Variants in PSD3 observed in about 807,000 individuals in gnomAD.
PSD3 encodes the protein pleckstrin and Sec7 domain containing 3.
PSD3 carries 49 observed loss-of-function variants against 105.5 expected under a neutral mutation model. That is an observed-to-expected ratio of 0.46 (90% CI 0.37 to 0.59). The LOEUF is 0.59. Among genes scored for constraint, PSD3 ranks in the 20% least tolerant of loss-of-function variants. The pLI is 0.00. For synonymous variants in PSD3, 557 were observed against 457.8 expected (o/e 1.22, Z -2.77); for missense variants, 1,561 against 1,263.8 (o/e 1.24, Z -3.57).
intron 4 of PSD3, among the ~76,000 whole-genome samples, chr8:18,828,073 T>G (rs1432287505): frequency 7.4e-6 from 1 of 134,690 alleles, no homozygotes; most frequent in Non-Finnish European, 1.6e-5. Context: ...ATATATTTTT[T>G]TTTTTTTACA....
In PSD3 at chr8:18,970,324, C is replaced by CAAAAA. The variant is rs11450922; in HGVS notation, c.22-34187_22-34183dup. ...TGGGCGACAGAGCAAGACTCTGCCTCAAAAAAAAAAAAAAAAAAAAAAAAC... is the reference window on the plus strand; with the variant it reads ...TGGGCGACAGAGCAAGACTCTGCCTCAAAAAAAAAAAAAAAAAAAAAAAAAAAAAC... On this transcript the variant is annotated intron_variant, in intron 1 of 15. Coordinates refer to ENST00000327040, the MANE Select transcript of PSD3 (RefSeq NM_015310.4). 5.8e-3 allele frequency among the ~76,000 whole-genome samples: 263 copies of CAAAAA among 45,162 alleles called. 16 individuals are homozygous for CAAAAA. Among genetic ancestry groups the CAAAAA allele is most frequent in the African/African-American group, 0.018 (198 of 10,810 alleles). 29.6% of individuals were successfully genotyped at this position (45,162 alleles called of 152,430 possible).
Position 18,983,230 on chromosome 8 carries a change from G to T in PSD3, c.21+30333C>A, listed in dbSNP as rs568545281. ...CTCTACCTCTCTCAGCCAAGAATTG[G>T]AGGCTTGCTCTGAATTAGGTTTTGT... On this transcript the variant is annotated intron_variant, in intron 1 of 15. Transcript: ENST00000327040. Among the ~76,000 whole-genome samples the T allele has an allele frequency of 2.6e-5, 4 of 152,294 alleles. No individual in the cohort carries two copies. In the South Asian group the frequency reaches 8.3e-4, roughly 32 times the overall value.
chr8:18,784,258 A>G (rs951249635), intron 8 of PSD3, among the ~76,000 whole-genome samples: 1 of 152,164 alleles, frequency 6.6e-6, no homozygotes, highest in Non-Finnish European at 1.5e-5. Flanking sequence ...ATACGGTGCT[A>G]ATTTCTCAAT....
chr8:18,668,259 A>C (rs1289796294), intron 9 of PSD3, among the ~76,000 whole-genome samples: 1 of 152,228 alleles, frequency 6.6e-6, no homozygotes, highest in East Asian at 1.9e-4. Context: ...TGTGATTAGA[A>C]ATTGTAAGGA....
intron 9 of PSD3, among the ~76,000 whole-genome samples, chr8:18,698,044 G>T (rs574399026): frequency 1.3e-5 from 2 of 152,018 alleles, no homozygotes; most frequent in Admixed American, 6.6e-5. Flanking sequence ...ATAAGTTAAC[G>T]AACTTAAGGA....
chr8:18,644,533 T>C (rs1018169477), intron 10 of PSD3, among the ~76,000 whole-genome samples: 3 of 152,332 alleles, frequency 2.0e-5, no homozygotes, highest in Admixed American at 1.3e-4. Flanking sequence ...CTCATCAAAA[T>C]GGACTTTACT....
At chr8:18,581,953 G>T (rs1320444635) in intron 12 of PSD3, among the ~76,000 whole-genome samples, 1 of 152,192 alleles carries the variant, frequency 6.6e-6, no homozygotes, top group Non-Finnish European at 1.5e-5. Context: ...TGATGAGGCA[G>T]ATTGTGTGTA....
intron 1 of PSD3, among the ~76,000 whole-genome samples, chr8:19,006,550 A>G (rs1826692319): frequency 6.6e-6 from 1 of 152,052 alleles, no homozygotes; most frequent in Non-Finnish European, 1.5e-5. Flanking sequence ...TATCCTCAAG[A>G]CTACTCCTAC....
intron 4 of PSD3, among the ~76,000 whole-genome samples, chr8:18,817,772 T>A (rs544658996): frequency 2.0e-5 from 3 of 152,220 alleles, no homozygotes; most frequent in African/African-American, 7.2e-5. Flanking sequence ...TCTCTCTATG[T>A]TGCAGATCTT....
At chr8:18,933,233 G>A (rs1012099478) in intron 2 of PSD3, among the ~76,000 whole-genome samples, 11 of 152,076 alleles carry the variant, frequency 7.2e-5, no homozygotes, top group African/African-American at 1.4e-4. Context: ...GGTTTGCCTC[G>A]GCTATGATAT....
intron 2 of PSD3, among the ~76,000 whole-genome samples, chr8:18,887,372 A>G (rs1480837315): frequency 1.3e-5 from 2 of 152,166 alleles, no homozygotes; most frequent in Admixed American, 1.3e-4. Context: ...TTAATGGGTG[A>G]TTGCTGTTAC....
intron 8 of PSD3, among the ~76,000 whole-genome samples, chr8:18,777,265 T>C (rs1252411429): frequency 3.9e-5 from 6 of 152,092 alleles, no homozygotes; most frequent in South Asian, 2.1e-4. Flanking sequence ...ATGGTCTCGA[T>C]CTCCTGACCT....
intron 8 of PSD3, among the ~76,000 whole-genome samples, chr8:18,796,419 T>C (rs1343416786): frequency 6.6e-6 from 1 of 152,070 alleles, no homozygotes; most frequent in African/African-American, 2.4e-5. Flanking sequence ...GCAAAGAGTA[T>C]GGAAAGGAGG....
chr8:19,080,226 G>A (rs1175417599), intron 1 of PSD3, among the ~76,000 whole-genome samples: 1 of 152,160 alleles, frequency 6.6e-6, no homozygotes, highest in African/African-American at 2.4e-5. Flanking sequence ...TCCTTAAAGA[G>A]TTTCATTCCC....
intron 15 of PSD3, among the ~76,000 whole-genome samples, chr8:18,549,705 G>A (rs1026400115): frequency 9.9e-5 from 15 of 152,190 alleles, no homozygotes; most frequent in Admixed American, 4.6e-4. Context: ...AAATGTAGCT[G>A]CTAGAAAATT....
chr8:18,542,279 C>T lies in PSD3; in HGVS notation c.2929-6321G>A, dbSNP rs188848122. On this transcript the variant is annotated intron_variant, in intron 15 of 15. Coordinates refer to ENST00000327040, the MANE Select transcript of PSD3 (RefSeq NM_015310.4). ...AGGATTTGTCAAGGATTATTTATAT[C>T]TGGAATCTACTTGCCTGATCATTCT... Among the ~76,000 whole-genome samples, 11 of 152,256 alleles carry T rather than the reference C, an allele frequency of 7.2e-5. No individual in the cohort carries two copies. In the South Asian group the frequency reaches 1.7e-3, roughly 23 times the overall value.
chr8:18,943,765 G>A lies in PSD3; in HGVS notation c.22-7623C>T, dbSNP rs183261257. On this transcript the variant is annotated intron_variant, in intron 1 of 15. Transcript: ENST00000327040. ...TTTTCAAAGAGCACTCTGGCCTAGG[G>A]GACACCACACACTACTGAAGTTAAA... Among the ~76,000 whole-genome samples the A allele has an allele frequency of 1.4e-3, 217 of 152,140 alleles. 1 individual carries two copies. The highest frequency in any genetic ancestry group is 1.4e-3 in the Non-Finnish European group (98 of 68,000).
At chr8:18,865,704 G>A (rs890668071) in intron 4 of PSD3, among the ~76,000 whole-genome samples, 5 of 152,162 alleles carry the variant, frequency 3.3e-5, no homozygotes, top group South Asian at 4.2e-4. Context: ...GCAAGCTGGC[G>A]CGTCTCCAAG....
intron 9 of PSD3, among the ~76,000 whole-genome samples, chr8:18,758,293 G>C (rs1408652384): frequency 6.6e-6 from 1 of 152,136 alleles, no homozygotes; most frequent in Non-Finnish European, 1.5e-5. Context: ...ATGTTGCTTA[G>C]GTTAAGCCTT....
Sources: allele counts gnomAD v4.1 joint callset (sites outside exome capture counted in the v4.1 genomes callset), GRCh38; gene constraint gnomAD v4.1.1; transcripts MANE v1.5; gene names NCBI Gene and HGNC (gene_info 2026-07-23, HGNC 2026-07-21).